The following HPSE2 variants were observed in gnomAD, a reference collection of about 807,000 sequenced individuals.
The protein encoded by HPSE2 is heparanase 2 (inactive), also known as inactive heparanase-2.
HPSE2 carries 38 observed loss-of-function variants against 60.5 expected under a neutral mutation model. The observed-to-expected ratio is 0.63, with a 90% CI of 0.48 to 0.82. The LOEUF (loss-of-function observed/expected upper bound fraction) is 0.82, where lower values mean the gene tolerates loss of function less well. Ranked by LOEUF, HPSE2 falls within the 40% of genes least tolerant of loss-of-function variation. The pLI is 0.00. For synonymous variants in HPSE2, 295 were observed against 293.2 expected, an observed-to-expected ratio of 1.01 and a Z score of -0.06; for missense variants, 713 against 740.4, an observed-to-expected ratio of 0.96 and a Z score of 0.43.
chr10:98,494,637 G>C (rs181828951), intron 9 of HPSE2, among the ~76,000 whole-genome samples: 2 of 152,312 alleles, frequency 1.3e-5, no homozygotes, highest in African/African-American at 4.8e-5. Flanking sequence ...TAATTAGACA[G>C]GGAGGAAAGT....
At chr10:98,807,559 C>T (rs2134555194) in intron 3 of HPSE2, among the ~76,000 whole-genome samples, 1 of 152,320 alleles carries the variant, frequency 6.6e-6, no homozygotes, top group Non-Finnish European at 1.5e-5. Context: ...AGCTCACTTG[C>T]TCCCACCATT....
chr10:98,626,628 G>C (rs1946221384), intron 7 of HPSE2, among the ~76,000 whole-genome samples: 1 of 152,104 alleles, frequency 6.6e-6, no homozygotes, highest in Admixed American at 6.5e-5. Context: ...CAAACAGACA[G>C]TGGCCCCAGC....
intron 6 of HPSE2, among the ~76,000 whole-genome samples, chr10:98,674,693 T>C (rs1173189987): frequency 6.6e-6 from 1 of 152,146 alleles, no homozygotes. Context: ...GGTGGGCAGA[T>C]CACCTGAGGT....
At chr10:99,211,522 C>G (rs1010182038) in intron 2 of HPSE2, among the ~76,000 whole-genome samples, 3 of 151,886 alleles carry the variant, frequency 2.0e-5, no homozygotes, top group Admixed American at 6.6e-5. Flanking sequence ...GCACATATAC[C>G]AATGGAACAG....
At chr10:98,467,760 C>T (rs906200492) in intron 11 of HPSE2, among the ~76,000 whole-genome samples, 4 of 152,258 alleles carry the variant, frequency 2.6e-5, no homozygotes, top group East Asian at 3.8e-4. Context: ...CTTGGCCTCC[C>T]GGAGGAACAA....
chr10:99,156,360 T>G (rs912826932), intron 2 of HPSE2, among the ~76,000 whole-genome samples: 2 of 144,142 alleles, frequency 1.4e-5, no homozygotes, highest in African/African-American at 2.5e-5. Flanking sequence ...AACAAAATTC[T>G]GGCAAAACGA....
At chr10:98,581,717 AG>A (rs1444065560) in intron 9 of HPSE2, among the ~76,000 whole-genome samples, 1 of 152,154 alleles carries the variant, frequency 6.6e-6, no homozygotes, top group East Asian at 1.9e-4. Context: ...ACGAAATAAA[AG>A]TCAGTCTGCT....
intron 2 of HPSE2, 21 bp from the exon 3 acceptor site, chr10:99,144,420 G>A (rs1845976991): frequency 6.2e-7 from 1 of 1,610,670 alleles, no homozygotes; most frequent in Non-Finnish European, 8.5e-7. Flanking sequence ...AAAGAAAGAA[G>A]GCAGGCAGCA....
rs565148603 is a variant in HPSE2 at position 99,140,727 on chromosome 10, G to A, written c.610+3511C>T. Among the ~76,000 whole-genome samples, 5 of 152,262 alleles carry A rather than the reference G, an allele frequency of 3.3e-5. No individual in the cohort carries two copies. In the South Asian group the frequency reaches 8.3e-4, roughly 25 times the overall value. On this transcript the variant is annotated intron_variant, in intron 3 of 11. Transcript: ENST00000370552. ...AACCCATAAAAGTTATTTAATACAC[G>A]TCAATATTATACCTAAAAAGTAGTC...
At chr10:98,622,544 T>C (rs1946101376) in intron 7 of HPSE2, among the ~76,000 whole-genome samples, 1 of 152,218 alleles carries the variant, frequency 6.6e-6, no homozygotes. Flanking sequence ...TCATTTCTAG[T>C]GAGGTACAGC....
At chr10:98,771,375 C>T (rs780066264) in intron 3 of HPSE2, among the ~76,000 whole-genome samples, 8 of 152,094 alleles carry the variant, frequency 5.3e-5, no homozygotes, top group Non-Finnish European at 8.8e-5. Context: ...AGCTGAAGAC[C>T]TCCCTGAACC....
intron 3 of HPSE2, among the ~76,000 whole-genome samples, chr10:98,999,996 G>T (rs1223544518): frequency 6.6e-6 from 1 of 152,084 alleles, no homozygotes; most frequent in Non-Finnish European, 1.5e-5. Context: ...TGTTTTAGCA[G>T]TGCAAATGTG....
Position 98,856,666 on chromosome 10 carries a change from T to A in HPSE2, c.611-112610A>T, listed in dbSNP as rs201798237. Among the ~76,000 whole-genome samples, 4 of 152,268 alleles carry A rather than the reference T, an allele frequency of 2.6e-5. No homozygotes were observed. In the East Asian group the frequency reaches 7.7e-4, roughly 29 times the overall value. On this transcript the variant is annotated intron_variant, in intron 3 of 11. Transcript: ENST00000370552. ...GATGGCTGTGATGGCTGTACAACAA[T>A]CTGAATGTACTTAATGCCACTGGAC...
intron 2 of HPSE2, among the ~76,000 whole-genome samples, chr10:99,180,889 C>CAAAAAAAAAAA (rs68033581): frequency 6.7e-5 from 2 of 29,692 alleles, no homozygotes; most frequent in African/African-American, 4.3e-4. Flanking sequence ...GACTCCATCT[C>CAAAAAAAAAAA]AAAAAAAAAA....
chr10:99,232,683 G>T (rs1849699692), intron 1 of HPSE2, among the ~76,000 whole-genome samples, 178 bp from the exon 2 acceptor site: 1 of 152,212 alleles, frequency 6.6e-6, no homozygotes. Flanking sequence ...GCCCCAGCCC[G>T]CCCTCACCGC....
At chr10:98,553,810 A>T (rs957654538) in intron 9 of HPSE2, among the ~76,000 whole-genome samples, 2 of 152,072 alleles carry the variant, frequency 1.3e-5, no homozygotes, top group Admixed American at 1.3e-4. Context: ...TTTTCTCTCT[A>T]TGGCTCTTCC....
intron 5 of HPSE2, among the ~76,000 whole-genome samples, chr10:98,703,571 C>T (rs1018939601): frequency 2.0e-5 from 3 of 152,120 alleles, no homozygotes; most frequent in Admixed American, 6.6e-5. Flanking sequence ...ACTTATCCAC[C>T]GTGATCAAGT....
intron 2 of HPSE2, among the ~76,000 whole-genome samples, chr10:99,191,292 T>C (rs1036119019): frequency 5.1e-4 from 77 of 151,950 alleles, no homozygotes; most frequent in African/African-American, 1.6e-3. Context: ...CTTATGACCA[T>C]GAACTGTCAC....
intron 3 of HPSE2, among the ~76,000 whole-genome samples, chr10:99,039,358 A>T (rs1368602445): frequency 6.6e-6 from 1 of 152,102 alleles, no homozygotes; most frequent in East Asian, 1.9e-4. Context: ...ACTGTCTTGA[A>T]TACGACACCA....
Sources: allele counts gnomAD v4.1 joint callset (sites outside exome capture counted in the v4.1 genomes callset), GRCh38; gene constraint gnomAD v4.1.1; transcripts MANE v1.5; gene names NCBI Gene and HGNC (gene_info 2026-07-23, HGNC 2026-07-21).